The following FAM13B variants were observed in gnomAD, a reference collection of about 807,000 sequenced individuals.
FAM13B encodes protein FAM13B.
A neutral mutation model predicts 117.3 loss-of-function variants in FAM13B; 60 were observed. The observed-to-expected ratio is 0.51, with a 90% CI of 0.42 to 0.63. The LOEUF (loss-of-function observed/expected upper bound fraction) is 0.63, where lower values mean the gene tolerates loss of function less well. Among genes scored for constraint, FAM13B ranks in the 30% least tolerant of loss-of-function variants. The probability of loss-of-function intolerance (pLI) is 0.00; values close to 1 mark genes in which losing one functional copy is unlikely to be tolerated. For synonymous variants in FAM13B, 332 were observed against 356.1 expected (o/e 0.93, Z 0.76); for missense variants, 972 against 1,091.9 (o/e 0.89, Z 1.55).
In FAM13B at chr5:137,962,518, A is replaced by G. The variant is rs1437562302; in HGVS notation, c.1180-49T>C. 3 of 1,540,362 alleles carry G rather than the reference A, an allele frequency of 1.9e-6. 1 individual carries two copies. In the South Asian group the frequency reaches 3.6e-5, roughly 18 times the overall value. ...TATTAATGGAGCTCCCAATACTCAG[A>G]TAAGAGAAGTTGCCAATCTAAATTA... On this transcript the variant is annotated intron_variant, in intron 10 of 23. Transcript: ENST00000689681.
At chr5:137,979,924 G>A (rs1352676255) in intron 10 of FAM13B, among the ~76,000 whole-genome samples, 3 of 151,176 alleles carry the variant, frequency 2.0e-5, no homozygotes, top group Non-Finnish European at 1.5e-5. Context: ...CACTTTGGGA[G>A]GCCAAGGCGC....
rs571817663 is a variant in FAM13B at position 137,967,743 on chromosome 5, A to G, written c.1180-5274T>C. ...CTCCTTCTCTGTAAAAAAATTAAAA[A>G]TTAGCCAGGTGTGATGGCATGCCCC... On this transcript the variant is annotated intron_variant, in intron 10 of 23. Coordinates refer to ENST00000689681, the MANE Select transcript of FAM13B (RefSeq NM_001385994.1). 2.6e-5 allele frequency among the ~76,000 whole-genome samples: 4 copies of G among 152,164 alleles called. No homozygotes were observed. The South Asian group carries it at 8.3e-4, about 32-fold the overall frequency.
At chr5:137,944,621 T>TGGTGGTGGGTGC (rs1352754249) in intron 20 of FAM13B, among the ~76,000 whole-genome samples, 18 of 151,706 alleles carry the variant, frequency 1.2e-4, no homozygotes, top group African/African-American at 4.4e-4. Flanking sequence ...TAGCTGGGTG[T>TGGTGGTGGGTGC]GGTGGTGGGT....
At chr5:137,993,049 A>G (rs529707364) in intron 7 of FAM13B, among the ~76,000 whole-genome samples, 3 of 152,370 alleles carry the variant, frequency 2.0e-5, no homozygotes, top group East Asian at 3.9e-4. Flanking sequence ...ATAAATCTCA[A>G]ACTTACACAG....
At chr5:138,008,455 G>T (rs943123282) in intron 6 of FAM13B, among the ~76,000 whole-genome samples, 2 of 152,082 alleles carry the variant, frequency 1.3e-5, no homozygotes, top group Non-Finnish European at 2.9e-5. Flanking sequence ...ATTAAATAAA[G>T]TATAATACAG....
intron 1 of FAM13B, among the ~76,000 whole-genome samples, chr5:138,026,600 G>A (rs1177104627): frequency 2.8e-5 from 4 of 142,928 alleles, no homozygotes; most frequent in Non-Finnish European, 6.0e-5. Context: ...CTGAACTCCA[G>A]CGTGGGCACC....
intron 7 of FAM13B, among the ~76,000 whole-genome samples, chr5:138,004,531 C>T (rs974060099): frequency 3.3e-5 from 5 of 152,192 alleles, no homozygotes; most frequent in African/African-American, 7.2e-5. Flanking sequence ...ACTTGCCACA[C>T]GTGTGGCTAC....
In FAM13B at chr5:137,949,097, A is replaced by G; in HGVS notation, c.2018T>C (p.Leu673Pro). ...NTLPKSFGSS[L>P]DHEDEENEDE... ...TTCATTCTCTTCATCTTCATGGTCT[A>G]GAGAAGAGCCAAAGCTTTTTGGAAG... is the stretch of plus-strand genomic sequence containing the variant. The change falls in exon 18 of 24, where the codon CTA becomes CCA. Residue 673 changes from leucine to proline, a missense_variant. Coordinates refer to ENST00000689681, the MANE Select transcript of FAM13B (RefSeq NM_001385994.1). 4 of 1,614,092 alleles carry G rather than the reference A, an allele frequency of 2.5e-6. No homozygotes were observed. In the South Asian group the frequency reaches 3.3e-5, roughly 13 times the overall value.
chr5:138,007,405 T>C (rs1782819800), intron 6 of FAM13B, among the ~76,000 whole-genome samples: 1 of 152,208 alleles, frequency 6.6e-6, no homozygotes, highest in Non-Finnish European at 1.5e-5. Context: ...ATTGCAAAAT[T>C]AGTATATCTA....
intron 20 of FAM13B, among the ~76,000 whole-genome samples, chr5:137,945,428 T>G (rs1238220232): frequency 1.3e-5 from 2 of 152,128 alleles, no homozygotes; most frequent in African/African-American, 4.8e-5. Flanking sequence ...TTAAAAAGAT[T>G]AACTTATTTT....
Position 137,987,552 on chromosome 5 carries a change from C to T in FAM13B, c.955G>A (p.Asp319Asn). 1 of 1,613,526 alleles carries T rather than the reference C, an allele frequency of 6.2e-7. No homozygotes were observed. Residue 319 changes from aspartate to asparagine, a missense_variant, in exon 9 of 24, where the codon GAT (aspartate) becomes AAT (asparagine). By Grantham distance (23) the Asp-to-Asn change is conservative. Transcript: ENST00000689681. ...TGTTGTAAATTCTTAAGATCATGATCTATGCTGCTCTGAAGATCAAAAAGG... is the reference window on the plus strand; with the variant it reads ...TGTTGTAAATTCTTAAGATCATGATTTATGCTGCTCTGAAGATCAAAAAGG... ...QHLFDLQSSI[D>N]HDLKNLQQQS...
At chr5:138,036,305 A>G, upstream of FAM13B, 1 of 429,254 alleles carries the variant, frequency 2.3e-6, no homozygotes, top group Non-Finnish European at 4.7e-6. Context: ...CTGCTGTGTT[A>G]GCCTAGTGAC....
At chr5:138,002,295 G>A (rs890475860) in intron 7 of FAM13B, among the ~76,000 whole-genome samples, 5 of 152,160 alleles carry the variant, frequency 3.3e-5, no homozygotes, top group Non-Finnish European at 5.9e-5. Context: ...TTGAAAGGCC[G>A]AGACGGGTGG....
At position 138,045,953 on chromosome 5, in the gene FAM13B, A is replaced by AG. The variant is rs1305655766; in HGVS notation, c.-203+5924_-203+5925insC. On this transcript the variant is annotated intron_variant, in intron 1 of 3. Transcript: ENST00000502471. Reference sequence around the variant, plus strand: ...AGAGTGAAATTCCATCTCAAAAAAAAAAAAAAATTATAAAGAGTATGATGT... The same window carrying AG: ...AGAGTGAAATTCCATCTCAAAAAAAAGAAAAAAATTATAAAGAGTATGATGT... 2.6e-5 allele frequency among the ~76,000 whole-genome samples: 4 copies of AG among 151,836 alleles called. No homozygotes were observed. In the East Asian group the frequency reaches 5.8e-4, roughly 22 times the overall value.
chr5:137,985,498 A>T, intron 9 of FAM13B, 109 bp from the exon 10 acceptor site: 1 of 1,093,536 alleles, frequency 9.1e-7, no homozygotes, highest in South Asian at 1.7e-5. Flanking sequence ...CTTGTTAAAG[A>T]AAATGTGTAC....
Position 137,957,612 on chromosome 5 carries a change from T to C in FAM13B, c.1442-1070A>G, listed in dbSNP as rs1015934875. On this transcript the variant is annotated intron_variant, in intron 13 of 23. Transcript: ENST00000689681. ...TCAATGTTTGCATTAGTGACAAAGT[T>C]AGAAGAAACAACATGGTCTACAAAC... 9.2e-5 allele frequency among the ~76,000 whole-genome samples: 14 copies of C among 152,042 alleles called. No individual in the cohort carries two copies. In the Middle Eastern group the frequency reaches 0.017, roughly 186 times the overall value.
rs1408117459 is a variant in FAM13B, at chr5:137,954,326, C to A, written c.1558G>T (p.Ala520Ser). 6.2e-7 allele frequency: 1 copy of A among 1,613,974 alleles called. No individual in the cohort carries two copies. The highest frequency in any genetic ancestry group is 1.1e-5 in the South Asian group (1 of 91,072). The change falls in exon 15 of 24, where the codon GCT becomes TCT. Residue 520 changes from alanine to serine, a missense_variant. By Grantham distance (99) the Ala-to-Ser change is moderately conservative (BLOSUM62 1). Transcript: ENST00000689681. The stretch of plus-strand genomic sequence containing the variant: ...CTTCCAGCTTGTGGAGACAGCTGAG[C>A]TTCTCCAGACTCAGAGTCCTCCTGC... ...SWQEDSESGE[A>S]QLSPQAGRMN... is the part of the protein sequence containing the mutation.
chr5:138,030,908 C>T (rs928300463), intron 1 of FAM13B, among the ~76,000 whole-genome samples: 1 of 151,842 alleles, frequency 6.6e-6, no homozygotes, highest in African/African-American at 2.4e-5. Context: ...TGGCAAGCAC[C>T]GGTAGTCCTA....
At chr5:137,950,028 C>A (rs1764520683) in intron 17 of FAM13B, among the ~76,000 whole-genome samples, 1 of 152,020 alleles carries the variant, frequency 6.6e-6, no homozygotes, top group African/African-American at 2.4e-5. Context: ...CCATAGAGAG[C>A]CTATTATTGA....
Sources: allele counts gnomAD v4.1 joint callset (sites outside exome capture counted in the v4.1 genomes callset), GRCh38; gene constraint gnomAD v4.1.1; transcripts MANE v1.5; gene names NCBI Gene and HGNC (gene_info 2026-07-23, HGNC 2026-07-21).